MAF: variants seen among roughly 807,000 people sequenced by gnomAD.
MAF encodes transcription factor Maf.
In MAF, 10 loss-of-function variants were observed where a neutral mutation model predicts 22.0. The observed-to-expected ratio is 0.45, with a 90% CI of 0.28 to 0.77. The LOEUF (loss-of-function observed/expected upper bound fraction) is 0.77. Among genes scored for constraint, MAF ranks in the 30% least tolerant of loss-of-function variants. The pLI is 0.12. For missense variants in MAF, 544 were observed against 548.4 expected (o/e 0.99, Z 0.08); for synonymous variants, 337 against 255.8 (o/e 1.32, Z -3.03).
the MAF span, among the ~76,000 whole-genome samples, chr16:79,306,610 A>C: frequency 6.6e-6 from 1 of 152,160 alleles, no homozygotes; most frequent in African/African-American, 2.4e-5. Context: ...TCCAGGAAAA[A>C]CTATGGGGGA....
At chr16:79,371,499 T>A in the MAF span, among the ~76,000 whole-genome samples, 1 of 152,166 alleles carries the variant, frequency 6.6e-6, no homozygotes, top group Non-Finnish European at 1.5e-5. Flanking sequence ...AACTAGGCCC[T>A]CTTGACCCAT....
At chr16:79,585,230 G>T (rs377160997), downstream of MAF, among the ~76,000 whole-genome samples, 4 of 152,196 alleles carry the variant, frequency 2.6e-5, no homozygotes, top group African/African-American at 4.8e-5. Context: ...CATTTAAATA[G>T]CTCAATTCCA....
chr16:79,300,323 G>A, the MAF span, among the ~76,000 whole-genome samples: 10,224 of 152,186 alleles, frequency 0.067, 1,129 homozygotes, highest in African/African-American at 0.23. Flanking sequence ...TTGGGAGGCC[G>A]AGCCAGGTGG....
the MAF span, among the ~76,000 whole-genome samples, chr16:79,475,362 A>ATGTGTGTGTGTGTGTG: frequency 2.6e-4 from 39 of 148,804 alleles, no homozygotes; most frequent in South Asian, 1.7e-3. Flanking sequence ...ATGTATATAT[A>ATGTGTGTGTGTGTGTG]TGTGTGTGTG....
chr16:79,360,242 C>T, the MAF span, among the ~76,000 whole-genome samples: 1 of 152,194 alleles, frequency 6.6e-6, no homozygotes, highest in Non-Finnish European at 1.5e-5. Context: ...ACCCCTTCCC[C>T]TCTGTCCTGC....
At chr16:79,217,167 T>C in the MAF span, among the ~76,000 whole-genome samples, 1 of 152,190 alleles carries the variant, frequency 6.6e-6, no homozygotes. Context: ...TGCCAGTTGA[T>C]GGGTTAGGCA....
At chr16:79,458,877 G>C in the MAF span, among the ~76,000 whole-genome samples, 3 of 152,194 alleles carry the variant, frequency 2.0e-5, no homozygotes, top group African/African-American at 7.2e-5. Context: ...AGGTCTCACT[G>C]TTCAGAGATT....
At chr16:79,229,003 A>G in the MAF span, among the ~76,000 whole-genome samples, 2 of 151,754 alleles carry the variant, frequency 1.3e-5, no homozygotes, top group African/African-American at 4.8e-5. Context: ...TCAGAGCACA[A>G]TTCTTCTTGG....
In MAF at chr16:79,599,516, A is replaced by G; in HGVS notation, c.387T>C (p.Asp129=). Residue 129 remains aspartate, a synonymous_variant, in exon 1 of 2, where the codon GAT becomes GAC. Transcript: ENST00000326043. The stretch of plus-strand genomic sequence containing the variant: ...GCTGCTGCGCCCCGCGCGCGTAGCC[A>G]TCGAAGCCGCCCTGGAGCTGGTGGC... ...SNSHQLQGGF[D]GYARGAQQLA... The G allele has an allele frequency of 1.3e-6, 2 of 1,533,004 alleles. No individual in the cohort carries two copies. The highest frequency in any genetic ancestry group is 2.0e-5 in the Admixed American group (1 of 49,506). 95.0% of individuals were successfully genotyped at this position (1,533,004 alleles called of 1,614,324 possible).
downstream of MAF, among the ~76,000 whole-genome samples, chr16:79,584,763 C>G (rs1445455745): frequency 6.6e-6 from 1 of 152,104 alleles, no homozygotes; most frequent in African/African-American, 2.4e-5. Flanking sequence ...TGTATGGGAG[C>G]TATTAAAGAA....
At chr16:79,246,005 A>C in the MAF span, among the ~76,000 whole-genome samples, 2 of 152,056 alleles carry the variant, frequency 1.3e-5, no homozygotes, top group Non-Finnish European at 2.9e-5. Context: ...GGAGTTGAAC[A>C]ATGAGAACAC....
chr16:79,460,366 G>A, the MAF span, among the ~76,000 whole-genome samples: 1 of 152,178 alleles, frequency 6.6e-6, no homozygotes, highest in East Asian at 1.9e-4. Context: ...CAATTGTCCC[G>A]ACAATATGTA....
the MAF span, among the ~76,000 whole-genome samples, chr16:79,448,044 C>T: frequency 2.0e-5 from 3 of 152,080 alleles, no homozygotes; most frequent in African/African-American, 4.8e-5. Context: ...GAATCAACTC[C>T]TGATGCTATG....
the MAF span, among the ~76,000 whole-genome samples, chr16:79,533,570 A>G: frequency 1.3e-5 from 2 of 152,154 alleles, no homozygotes; most frequent in South Asian, 2.1e-4. Context: ...AATGGAAAGT[A>G]TGACATCTGT....
chr16:79,502,710 T>TATAAATATAAATATATATATATATAA, the MAF span, among the ~76,000 whole-genome samples: 1 of 16,596 alleles, frequency 6.0e-5, no homozygotes, highest in African/African-American at 1.9e-4. Flanking sequence ...TAAATATAAA[T>TATAAATATAAATATATATATATATAA]ATATATATAT....
chr16:79,449,302 G>A, the MAF span, among the ~76,000 whole-genome samples: 2 of 152,182 alleles, frequency 1.3e-5, no homozygotes, highest in Non-Finnish European at 2.9e-5. Context: ...TGGGCCACTG[G>A]TACTGGTCTG....
chr16:79,547,298 CAT>C, the MAF span, among the ~76,000 whole-genome samples: 92 of 152,100 alleles, frequency 6.0e-4, 1 homozygote, highest in Middle Eastern at 3.4e-3. Context: ...CACACACACA[CAT>C]ACTCCTATAC....
the MAF span, among the ~76,000 whole-genome samples, chr16:79,495,043 C>A: frequency 2.0e-4 from 31 of 152,182 alleles, no homozygotes; most frequent in Non-Finnish European, 3.8e-4. Flanking sequence ...AGGCGTGTCA[C>A]CCCCCCAGAC....
At chr16:79,508,446 G>T in the MAF span, among the ~76,000 whole-genome samples, 7 of 151,706 alleles carry the variant, frequency 4.6e-5, no homozygotes, top group Admixed American at 2.6e-4. Context: ...TCCTAGCCTT[G>T]CCCCTTCATG....
Sources: gnomAD v4.1 joint callset for allele counts (sites outside exome capture counted in the v4.1 genomes callset) on GRCh38, gnomAD v4.1.1 for gene constraint, MANE v1.5 for transcripts, NCBI Gene and HGNC (gene_info 2026-07-23, HGNC 2026-07-21) for gene names.